ANO2: variants seen among roughly 807,000 people sequenced by gnomAD.
ANO2 encodes the protein anoctamin-2.
A neutral mutation model predicts 124.2 loss-of-function variants in ANO2; 101 were observed. The ratio of observed to expected loss-of-function variants is 0.81; its 90% CI spans 0.69 to 0.96. ANO2 has a LOEUF of 0.96. Ranked by LOEUF, ANO2 falls within the 40% of genes least tolerant of loss-of-function variation. The pLI, the probability that ANO2 is intolerant of heterozygous loss-of-function variation, is 0.00. For missense variants in ANO2, 1,293 were observed against 1,274.5 expected (o/e 1.01, Z -0.22); for synonymous variants, 486 against 482.5 (o/e 1.01, Z -0.09).
In ANO2 at chr12:5,834,995, T is replaced by C. The variant is rs933532217; in HGVS notation, c.634-2392A>G. 2.7e-5 allele frequency among the ~76,000 whole-genome samples: 4 copies of C among 150,288 alleles called. No individual in the cohort carries two copies. In the Admixed American group the frequency reaches 2.7e-4, roughly 10 times the overall value. ...TACAGCTACTGTAATGGATGCGTAG[T>C]ATTACACAGTAGACATGAATACTAA... On this transcript the variant is annotated intron_variant, in intron 4 of 24. Coordinates refer to ENST00000682330, the MANE Select transcript of ANO2 (RefSeq NM_001364791.2).
At chr12:5,729,165 AGAC>A (rs1389352805) in intron 14 of ANO2, among the ~76,000 whole-genome samples, 2 of 152,224 alleles carry the variant, frequency 1.3e-5, no homozygotes, top group Non-Finnish European at 2.9e-5. Context: ...TAAAGTGAAA[AGAC>A]AATCTACAGA....
intron 14 of ANO2, among the ~76,000 whole-genome samples, chr12:5,732,125 T>A (rs1314974104): frequency 6.6e-6 from 1 of 152,228 alleles, no homozygotes; most frequent in Non-Finnish European, 1.5e-5. Flanking sequence ...TATTGTGAGA[T>A]AATGTAATAC....
At chr12:5,680,402 T>C (rs1034190624) in intron 14 of ANO2, among the ~76,000 whole-genome samples, 3 of 152,042 alleles carry the variant, frequency 2.0e-5, no homozygotes, top group African/African-American at 7.3e-5. Context: ...GGGGCCAGAC[T>C]AGGAGAGGGT....
At chr12:5,684,548 A>T (rs3782628) in intron 14 of ANO2, among the ~76,000 whole-genome samples, 1 of 151,972 alleles carries the variant, frequency 6.6e-6, no homozygotes, top group Non-Finnish European at 1.5e-5. Context: ...TCCTCCACAG[A>T]GTACAACTTC....
chr12:5,698,845 A>C (rs930806487), intron 14 of ANO2, among the ~76,000 whole-genome samples: 3 of 152,244 alleles, frequency 2.0e-5, no homozygotes, highest in African/African-American at 4.8e-5. Flanking sequence ...ACAGGGTATC[A>C]GTGATTGAAG....
intron 3 of ANO2, among the ~76,000 whole-genome samples, chr12:5,901,176 A>G (rs149218762): frequency 6.6e-6 from 1 of 152,342 alleles, no homozygotes; most frequent in Non-Finnish European, 1.5e-5. Context: ...TTCAACCTGG[A>G]AAAATGCGGC....
chr12:5,659,872 G>A (rs947095491), intron 14 of ANO2, among the ~76,000 whole-genome samples: 2 of 152,120 alleles, frequency 1.3e-5, no homozygotes, highest in African/African-American at 4.8e-5. Flanking sequence ...GATTGGGATT[G>A]GAGACGCCTC....
intron 3 of ANO2, among the ~76,000 whole-genome samples, chr12:5,899,086 G>A (rs1439323523): frequency 1.3e-5 from 2 of 152,146 alleles, no homozygotes; most frequent in Admixed American, 1.3e-4. Context: ...CTGTTCACCT[G>A]AGCCAGGACT....
Position 5,748,150 on chromosome 12 carries a change from T to C in ANO2, c.1190+2686A>G, listed in dbSNP as rs367867607. On this transcript the variant is annotated intron_variant, in intron 11 of 24. Coordinates refer to ENST00000682330, the MANE Select transcript of ANO2 (RefSeq NM_001364791.2). Reference sequence around the variant, plus strand: ...AACGTGGGCTGTGTGCATCTGTGCATAGACGTCTATCGTTGCAGCATGTGC... The same window carrying C: ...AACGTGGGCTGTGTGCATCTGTGCACAGACGTCTATCGTTGCAGCATGTGC... Among the ~76,000 whole-genome samples the C allele has an allele frequency of 5.3e-5, 8 of 152,252 alleles. No homozygotes were observed. The East Asian group carries it at 7.7e-4, about 15-fold the overall frequency.
At chr12:5,772,116 A>G (rs535847353) in intron 10 of ANO2, among the ~76,000 whole-genome samples, 1 of 152,360 alleles carries the variant, frequency 6.6e-6, no homozygotes, top group African/African-American at 2.4e-5. Context: ...GAAAACATAA[A>G]GAACACTGAT....
At chr12:5,936,149 A>AT (rs1203420069) in intron 1 of ANO2, among the ~76,000 whole-genome samples, 1 of 152,158 alleles carries the variant, frequency 6.6e-6, no homozygotes, top group Admixed American at 6.5e-5. Flanking sequence ...CCTTTGTCTG[A>AT]TATATGACTC....
intron 19 of ANO2, 35 bp downstream of exon 19, chr12:5,612,621 A>G: frequency 6.3e-7 from 1 of 1,582,638 alleles, no homozygotes; most frequent in East Asian, 2.2e-5. Flanking sequence ...AACCCCTGGC[A>G]GCAAGGAGAG....
chr12:5,784,049 TC>T (rs1952475183), intron 10 of ANO2, among the ~76,000 whole-genome samples: 1 of 152,250 alleles, frequency 6.6e-6, no homozygotes, highest in Non-Finnish European at 1.5e-5. Flanking sequence ...CTGCCTTACA[TC>T]CCACCCTAAA....
At chr12:5,571,072 G>A (rs1942080297) in intron 23 of ANO2, among the ~76,000 whole-genome samples, 1 of 152,172 alleles carries the variant, frequency 6.6e-6, no homozygotes, top group Non-Finnish European at 1.5e-5. Flanking sequence ...AAGCCCTTAG[G>A]ACCTGCAGGA....
chr12:5,837,285 G>A (rs1003783456), intron 4 of ANO2, among the ~76,000 whole-genome samples: 5 of 125,856 alleles, frequency 4.0e-5, no homozygotes, highest in African/African-American at 1.2e-4. Flanking sequence ...TTTAGTTGAT[G>A]CAGATTTCTT....
chr12:5,613,027 T>G, intron 17 of ANO2, 69 bp from the exon 18 acceptor site: 2 of 1,472,072 alleles, frequency 1.4e-6, no homozygotes, highest in Non-Finnish European at 1.9e-6. Flanking sequence ...GGACATGTCT[T>G]CTGAGGGGAA....
At chr12:5,649,382 C>G (rs541267667) in intron 14 of ANO2, among the ~76,000 whole-genome samples, 1 of 152,322 alleles carries the variant, frequency 6.6e-6, no homozygotes, top group East Asian at 1.9e-4. Flanking sequence ...TTGCTAGACT[C>G]TTAGCCCAAC....
At chr12:5,945,094 G>A (rs1160381776) in intron 1 of ANO2, 102 bp downstream of exon 1, 2 of 1,135,052 alleles carry the variant, frequency 1.8e-6, no homozygotes, top group Admixed American at 5.1e-5. Context: ...CTCCCTTGGG[G>A]GTCCCCAATC....
At chr12:5,603,463 T>C (rs1341548492) in intron 19 of ANO2, among the ~76,000 whole-genome samples, 1 of 152,210 alleles carries the variant, frequency 6.6e-6, no homozygotes, top group East Asian at 1.9e-4. Flanking sequence ...AATAATTTAC[T>C]CTTACTATTT....
Sources: allele counts gnomAD v4.1 joint callset (sites outside exome capture counted in the v4.1 genomes callset), GRCh38; gene constraint gnomAD v4.1.1; transcripts MANE v1.5; gene names NCBI Gene and HGNC (gene_info 2026-07-23, HGNC 2026-07-21).